EYS: variants seen among roughly 807,000 people sequenced by gnomAD.
The protein encoded by EYS is EGF-like photoreceptor maintenance factor.
In EYS, 250 loss-of-function variants were observed where a neutral mutation model predicts 282.1. The observed-to-expected ratio is 0.89, with a 90% CI of 0.80 to 0.98. The LOEUF is 0.98. Among genes scored for constraint, EYS ranks in the 50% least tolerant of loss-of-function variants. The pLI is 0.00. For missense variants in EYS, 4,016 were observed against 3,709.0 expected, an observed-to-expected ratio of 1.08 and a Z score of -2.15; for synonymous variants, 1,355 against 1,282.9, an observed-to-expected ratio of 1.06 and a Z score of -1.20.
intron 19 of EYS, among the ~76,000 whole-genome samples, chr6:64,859,001 G>T (rs9354169): frequency 0.16 from 24,255 of 151,602 alleles, 2,165 homozygotes; most frequent in East Asian, 0.43. Context: ...GCAAAAGAAA[G>T]AAATGAAAAG....
intron 12 of EYS, among the ~76,000 whole-genome samples, chr6:65,112,187 T>A (rs1159066862): frequency 6.6e-6 from 1 of 152,260 alleles, no homozygotes; most frequent in Admixed American, 6.5e-5. Context: ...ATACTAATAA[T>A]CATGAACATT....
At chr6:65,299,415 A>G (rs1291324202) in intron 11 of EYS, among the ~76,000 whole-genome samples, 1 of 151,960 alleles carries the variant, frequency 6.6e-6, no homozygotes, top group Non-Finnish European at 1.5e-5. Flanking sequence ...ACCCCCCCCA[A>G]AAAACAACTT....
At chr6:64,373,596 G>A (rs1027194367) in intron 29 of EYS, among the ~76,000 whole-genome samples, 5 of 152,150 alleles carry the variant, frequency 3.3e-5, no homozygotes, top group South Asian at 2.1e-4. Context: ...CCTGCCATCC[G>A]GGTGTTTCCA....
At position 64,686,767 on chromosome 6, in the gene EYS, GTA is replaced by G. The variant is rs556168281; in HGVS notation, c.3444-60524_3444-60523del. Among the ~76,000 whole-genome samples the G allele has an allele frequency of 1.8e-3, 32 of 17,750 alleles. 2 individuals are homozygous for G. Among genetic ancestry groups the G allele is most frequent in the East Asian group, 0.016 (13 of 794 alleles). 11.6% of individuals were successfully genotyped at this position (17,750 alleles called of 152,430 possible). On this transcript the variant is annotated intron_variant, in intron 22 of 42. Coordinates refer to ENST00000503581, the MANE Select transcript of EYS (RefSeq NM_001142800.2). ...AATATATATATATATATATATGTGT[GTA>G]TATATATATATATATATATGTGTGT...
In EYS at chr6:64,334,786, G is replaced by C. The variant is rs1010381218; in HGVS notation, c.6079-27704C>G. Among the ~76,000 whole-genome samples, 6 of 152,180 alleles carry C rather than the reference G, an allele frequency of 3.9e-5. No homozygotes were observed. In the South Asian group the frequency reaches 6.2e-4, roughly 16 times the overall value. On this transcript the variant is annotated intron_variant, in intron 29 of 42. Transcript: ENST00000503581. Reference sequence around the variant, plus strand: ...CTTACAAATTGATGACAATGGAAAAGCTGTCATGGAAATCACTGCCAGGAA... The same window carrying C: ...CTTACAAATTGATGACAATGGAAAACCTGTCATGGAAATCACTGCCAGGAA...
intron 36 of EYS, among the ~76,000 whole-genome samples, chr6:63,837,493 T>C (rs930738628): frequency 6.6e-6 from 1 of 152,136 alleles, no homozygotes. Context: ...AATATGTTAA[T>C]TCATAAGTGA....
chr6:64,892,399 C>T (rs1359220546), intron 18 of EYS, among the ~76,000 whole-genome samples: 1 of 151,678 alleles, frequency 6.6e-6, no homozygotes, highest in Non-Finnish European at 1.5e-5. Flanking sequence ...TTAAATCATA[C>T]TTGTTTCAGT....
intron 31 of EYS, among the ~76,000 whole-genome samples, chr6:64,214,611 T>C (rs1765875562): frequency 6.6e-6 from 1 of 152,030 alleles, no homozygotes. Flanking sequence ...TACATATTAA[T>C]GTCTACACAG....
At chr6:64,550,002 T>C (rs1765019509) in intron 26 of EYS, among the ~76,000 whole-genome samples, 1 of 152,166 alleles carries the variant, frequency 6.6e-6, no homozygotes, top group Admixed American at 6.5e-5. Context: ...TTTTTTGTCC[T>C]TGCGATAGTT....
chr6:64,395,783 TTA>T (rs544338549), intron 28 of EYS, among the ~76,000 whole-genome samples: 4,666 of 108,346 alleles, frequency 0.043, 237 homozygotes, highest in African/African-American at 0.22. Context: ...TAAAGTATAA[TTA>T]AAAAAAAAGA....
chr6:64,763,652 C>A (rs1168572843), intron 22 of EYS, among the ~76,000 whole-genome samples: 3 of 152,156 alleles, frequency 2.0e-5, no homozygotes, highest in Non-Finnish European at 4.4e-5. Context: ...CCAACAGTCC[C>A]CCAATCTTAA....
rs183036262 is a variant in EYS, at chr6:65,597,791, A to G, written c.-333+41987T>C. Among the ~76,000 whole-genome samples the G allele has an allele frequency of 5.9e-5, 9 of 152,198 alleles. No homozygotes were observed. In the South Asian group the frequency reaches 1.4e-3, roughly 25 times the overall value. On this transcript the variant is annotated intron_variant, in intron 2 of 42. Transcript: ENST00000503581. ...TGCAGCTTCCATTCAGGTGGAAGGT[A>G]CTGAAATAATCATAGACTGGCAAAA...
intron 8 of EYS, among the ~76,000 whole-genome samples, chr6:65,361,100 C>T (rs1449550558): frequency 1.7e-5 from 2 of 114,364 alleles, no homozygotes; most frequent in African/African-American, 6.7e-5. Context: ...TCTCAGCAAA[C>T]TATCGCAAGG....
intron 2 of EYS, among the ~76,000 whole-genome samples, chr6:65,547,287 T>A (rs1361402385): frequency 6.6e-6 from 1 of 151,488 alleles, no homozygotes; most frequent in Non-Finnish European, 1.5e-5. Flanking sequence ...TTTCAATGGC[T>A]GCATGATATG....
chr6:64,526,840 T>C (rs549075789), intron 26 of EYS, among the ~76,000 whole-genome samples: 1 of 151,980 alleles, frequency 6.6e-6, no homozygotes, highest in Admixed American at 6.6e-5. Context: ...TCCAGACTTA[T>C]GTGCCACTAT....
At chr6:65,035,099 T>C (rs1048874534) in intron 13 of EYS, among the ~76,000 whole-genome samples, 56 of 151,942 alleles carry the variant, frequency 3.7e-4, no homozygotes, top group African/African-American at 1.3e-3. Flanking sequence ...TAAACAACAC[T>C]ATAAACAAAA....
rs572428443 is a variant in EYS at position 65,498,722 on chromosome 6, A to T, written c.-332-2729T>A. On this transcript the variant is annotated intron_variant, in intron 2 of 42. Coordinates refer to ENST00000503581, the MANE Select transcript of EYS (RefSeq NM_001142800.2). Reference sequence around the variant, plus strand: ...ATGTATATCTATACATGCTGAATACAAAATGCTTTGGATTTTATTGGGAAC... The same window carrying T: ...ATGTATATCTATACATGCTGAATACTAAATGCTTTGGATTTTATTGGGAAC... Among the ~76,000 whole-genome samples the T allele has an allele frequency of 2.5e-4, 38 of 152,128 alleles. No individual in the cohort carries two copies. The South Asian group carries it at 7.9e-3, about 32-fold the overall frequency.
chr6:64,361,541 T>C (rs780109106), intron 29 of EYS, among the ~76,000 whole-genome samples: 18 of 151,956 alleles, frequency 1.2e-4, no homozygotes, highest in Admixed American at 4.6e-4. Flanking sequence ...TCATTTTTGA[T>C]CATTTTAATT....
At chr6:65,006,220 G>A (rs993339273) in intron 13 of EYS, among the ~76,000 whole-genome samples, 2 of 151,648 alleles carry the variant, frequency 1.3e-5, no homozygotes, top group African/African-American at 4.9e-5. Context: ...AGACAAAAAG[G>A]GAGTCAAAGA....
Sources: gnomAD v4.1 joint callset for allele counts (sites outside exome capture counted in the v4.1 genomes callset) on GRCh38, gnomAD v4.1.1 for gene constraint, MANE v1.5 for transcripts, NCBI Gene and HGNC (gene_info 2026-07-23, HGNC 2026-07-21) for gene names.